GOLGA6L22: variants seen among roughly 807,000 people sequenced by gnomAD.
GOLGA6L22 encodes the protein golgin A6 family like 22.
In GOLGA6L22, 28 loss-of-function variants were observed where a neutral mutation model predicts 77.1. That is an observed-to-expected ratio of 0.36 (90% CI 0.27 to 0.50). GOLGA6L22 has a LOEUF of 0.50. GOLGA6L22 is among the 20% of genes least tolerant of loss of function. The probability of loss-of-function intolerance (pLI) is 0.97; values close to 1 mark genes in which losing one functional copy is unlikely to be tolerated. For synonymous variants in GOLGA6L22, 62 were observed against 185.3 expected, an observed-to-expected ratio of 0.33 and a Z score of 5.41; for missense variants, 250 against 620.4, an observed-to-expected ratio of 0.40 and a Z score of 6.34.
chr15:22,463,238 A>G (rs1242192393), intron 5 of GOLGA6L22, among the ~76,000 whole-genome samples: 10 of 149,480 alleles, frequency 6.7e-5, no homozygotes, highest in African/African-American at 1.8e-4. Context: ...AAAGGTTCGA[A>G]CAGTGGTAGT....
rs1373263194 is a variant in GOLGA6L22 at position 22,463,575 on chromosome 15, C to A, written c.433-266C>A. ...CTGAGGCAGGAGAATTGCTTGAACC[C>A]AGGAGGTGTAGGTTGTGGTGAGCTG... On this transcript the variant is annotated intron_variant, in intron 5 of 8. Coordinates refer to ENST00000622895, the Ensembl canonical transcript of GOLGA6L22. Among the ~76,000 whole-genome samples, 4 of 129,964 alleles carry A rather than the reference C, an allele frequency of 3.1e-5. No homozygotes were observed. In the East Asian group the frequency reaches 8.3e-4, roughly 27 times the overall value. 85.3% of individuals were successfully genotyped at this position (129,964 alleles called of 152,430 possible).
chr15:22,465,994 G>C, exon 8 of GOLGA6L22: 1 of 905,282 alleles, frequency 1.1e-6, no homozygotes, highest in Non-Finnish European at 1.6e-6. Flanking sequence ...AGGAGGAGAA[G>C]GTGTGGAGGC....
At chr15:22,463,657 A>AAG (rs1887591420) in intron 5 of GOLGA6L22, among the ~76,000 whole-genome samples, 184 bp from the exon 6 acceptor site, 1 of 130,164 alleles carries the variant, frequency 7.7e-6, no homozygotes, top group African/African-American at 3.0e-5. Context: ...GCCAAAAAAA[A>AAG]AAAGAAAGAA....
chr15:22,463,142 A>G (rs966971396), intron 5 of GOLGA6L22, among the ~76,000 whole-genome samples: 6 of 133,390 alleles, frequency 4.5e-5, no homozygotes, highest in African/African-American at 6.5e-5. Context: ...CATCTACACA[A>G]TAGAGGTAAT....
rs1436049410 is a variant in GOLGA6L22, at chr15:22,466,337, C to T, written c.1945C>T (p.Gln649Ter). The change falls in exon 8 of 9, where the codon CAG becomes TAG. Residue 649 changes from glutamine (Q) to a stop codon, truncating the protein, a stop_gained. Transcript: ENST00000622895. LOFTEE classifies it high-confidence loss of function. Reference sequence around the variant, plus strand: ...GGAGCAGGAGGAGAAGATACGAGAGCAGGAGGAGATGATGCAGGAACAGGA... The same window carrying T: ...GGAGCAGGAGGAGAAGATACGAGAGTAGGAGGAGATGATGCAGGAACAGGA... 15 of 1,267,940 alleles carry T rather than the reference C, an allele frequency of 1.2e-5. 2 individuals are homozygous for T. Among genetic ancestry groups the T allele is most frequent in the East Asian group, 2.6e-5 (1 of 38,512 alleles). The allele number at this position is 1,267,940 out of a possible 1,614,324, so 78.5% of individuals were successfully genotyped here. A position where few individuals can be genotyped will look rare whatever the true frequency, so the allele number is the denominator to read the frequency against.
intron 5 of GOLGA6L22, among the ~76,000 whole-genome samples, chr15:22,463,229 A>G (rs1424772119): frequency 6.7e-6 from 1 of 149,044 alleles, no homozygotes; most frequent in Non-Finnish European, 1.5e-5. Flanking sequence ...GCACTCAAGA[A>G]AGGTTCGAAC....
At chr15:22,466,582 G>A (rs757361335) in exon 8 of GOLGA6L22, 7 of 1,182,990 alleles carry the variant, frequency 5.9e-6, no homozygotes, top group Non-Finnish European at 4.7e-6. Flanking sequence ...AGGAGAAGAT[G>A]CGGAGGCAGG....
chr15:22,466,823 T>A (rs376943676), exon 8 of GOLGA6L22: 5 of 413,242 alleles, frequency 1.2e-5, no homozygotes, highest in Non-Finnish European at 2.1e-5. Context: ...GCAGGAACAC[T>A]AGGTGAGGCT....
At chr15:22,463,260 T>C (rs1449275827) in intron 5 of GOLGA6L22, among the ~76,000 whole-genome samples, 1 of 149,652 alleles carries the variant, frequency 6.7e-6, no homozygotes, top group Admixed American at 6.7e-5. Context: ...CTAACAGTAA[T>C]AGCAATAACA....
exon 8 of GOLGA6L22, chr15:22,465,548 G>A: frequency 2.2e-6 from 1 of 456,666 alleles, no homozygotes; most frequent in Non-Finnish European, 3.7e-6. Context: ...TCACGAGCAG[G>A]AGAAGATACG....
At chr15:22,463,581 G>T in intron 5 of GOLGA6L22, among the ~76,000 whole-genome samples, 1 of 130,568 alleles carries the variant, frequency 7.7e-6, no homozygotes, top group African/African-American at 3.1e-5. Flanking sequence ...AACCCAGGAG[G>T]TGTAGGTTGT....
rs1206781930 is a variant in GOLGA6L22, at chr15:22,466,886, G to C, written c.*61G>C. ...GCTGGGGCAGAAGGCCGAGCTCTTG[G>C]GGGGAGCAGGCGGAGGTGTGTGCAA... On this transcript the variant is annotated intron_variant, in intron 8 of 8. Coordinates refer to ENST00000622895, the Ensembl canonical transcript of GOLGA6L22. 201 of 447,768 alleles carry C rather than the reference G, an allele frequency of 4.5e-4. 4 individuals are homozygous for C. In the African/African-American group the frequency reaches 9.6e-3, roughly 21 times the overall value. 27.7% of individuals were successfully genotyped at this position (447,768 alleles called of 1,614,324 possible).
chr15:22,466,120 G>T, exon 8 of GOLGA6L22: 2 of 1,083,662 alleles, frequency 1.8e-6, no homozygotes, highest in East Asian at 5.2e-5. Flanking sequence ...AGGAGGAGAA[G>T]ATACGGGAGC....
chr15:22,461,935 T>C (rs1179355785), intron 2 of GOLGA6L22, 99 bp from the exon 3 acceptor site: 2 of 1,216,056 alleles, frequency 1.6e-6, no homozygotes, highest in Admixed American at 2.1e-5. Flanking sequence ...GTCCCATGGG[T>C]GGGCCTGTTC....
chr15:22,466,561 G>A (rs1468896325), exon 8 of GOLGA6L22: 2 of 1,331,596 alleles, frequency 1.5e-6, no homozygotes, highest in Admixed American at 2.2e-5. Flanking sequence ...AAGAGAAGAT[G>A]CAAGAACAGG....
exon 8 of GOLGA6L22, chr15:22,465,837 T>C: frequency 2.1e-6 from 3 of 1,434,396 alleles, no homozygotes; most frequent in South Asian, 1.3e-5. Flanking sequence ...GAGGAGAAGA[T>C]ACGGGAGCAG....
At chr15:22,463,122 A>T (rs1338056325) in intron 5 of GOLGA6L22, among the ~76,000 whole-genome samples, 3 of 120,830 alleles carry the variant, frequency 2.5e-5, no homozygotes, top group African/African-American at 1.3e-4. Flanking sequence ...CTTTAATACC[A>T]CATGTTTTTC....
At chr15:22,463,573 C>A (rs1441811560) in intron 5 of GOLGA6L22, among the ~76,000 whole-genome samples, 1 of 130,542 alleles carries the variant, frequency 7.7e-6, no homozygotes, top group East Asian at 2.1e-4. Context: ...ATTGCTTGAA[C>A]CCAGGAGGTG....
In GOLGA6L22 at chr15:22,465,829, G is replaced by C. The variant is rs1373757960; in HGVS notation, c.1437G>C (p.Glu479Asp). 5.5e-6 allele frequency: 8 copies of C among 1,445,382 alleles called. 1 individual carries two copies. The East Asian group carries it at 2.0e-4, about 37-fold the overall frequency. The allele number at this position is 1,445,382 out of a possible 1,614,324, so 89.5% of individuals were successfully genotyped here. The stretch of plus-strand genomic sequence containing the variant: ...AGGAGGAGAAGATGTGGAGGCAGGA[G>C]GAGAAGATACGGGAGCAGGAGGAGA... The change falls in exon 8 of 9, where the codon GAG (glutamate) becomes GAC (aspartate). Residue 479 changes from glutamate (E) to aspartate (D), a missense_variant. Coordinates refer to ENST00000622895, the Ensembl canonical transcript of GOLGA6L22.
Sources: gnomAD v4.1 joint callset for allele counts (sites outside exome capture counted in the v4.1 genomes callset) on GRCh38, gnomAD v4.1.1 for gene constraint, MANE v1.5 for transcripts, NCBI Gene and HGNC (gene_info 2026-07-23, HGNC 2026-07-21) for gene names.